The following LAMA4 variants were observed in gnomAD, a reference collection of about 807,000 sequenced individuals.
The protein encoded by LAMA4 is laminin subunit alpha 4, also known as laminin subunit alpha-4.
A neutral mutation model predicts 207.1 loss-of-function variants in LAMA4; 127 were observed. The ratio of observed to expected loss-of-function variants is 0.61; its 90% CI spans 0.53 to 0.71. The LOEUF is 0.71. Among genes scored for constraint, LAMA4 ranks in the 30% least tolerant of loss-of-function variants. LAMA4 has a pLI of 0.00. For missense variants in LAMA4, 2,093 were observed against 2,246.5 expected (o/e 0.93, Z 1.38); for synonymous variants, 761 against 816.0 (o/e 0.93, Z 1.15).
chr6:112,219,334 A>C (rs1197118891), intron 2 of LAMA4: 2 of 152,086 alleles, frequency 1.3e-5, no homozygotes, highest in African/African-American at 2.4e-5. Flanking sequence ...ATTAGTGTCT[A>C]TTTTCTTTTG....
At chr6:112,131,918 AG>A (rs1779057890) in intron 28 of LAMA4, among the ~76,000 whole-genome samples, 2 of 152,170 alleles carry the variant, frequency 1.3e-5, no homozygotes. Flanking sequence ...TGGATCTTAC[AG>A]TCACCAATCC....
intron 24 of LAMA4, 119 bp from the exon 25 acceptor site, chr6:112,136,373 A>G: frequency 1.2e-6 from 1 of 811,086 alleles, no homozygotes; most frequent in Non-Finnish European, 2.0e-6. Flanking sequence ...AAGACTAAGA[A>G]AGTCTCATGA....
intron 2 of LAMA4, among the ~76,000 whole-genome samples, chr6:112,238,071 C>T (rs1421272095): frequency 6.6e-6 from 1 of 152,188 alleles, no homozygotes; most frequent in Non-Finnish European, 1.5e-5. Context: ...CATCCTGTCC[C>T]CTCAGCTTGT....
In LAMA4 at chr6:112,157,670, A is replaced by G. The variant is rs557868856; in HGVS notation, c.1817+1062T>C. Among the ~76,000 whole-genome samples the G allele has an allele frequency of 3.9e-5, 6 of 152,354 alleles. No individual in the cohort carries two copies. The South Asian group carries it at 6.2e-4, about 16-fold the overall frequency. Reference sequence around the variant, plus strand: ...ACAGAAGTTATATTTTGGAATCCCAATGAATGGGATGTAGGTACAAAATGA... The same window carrying G: ...ACAGAAGTTATATTTTGGAATCCCAGTGAATGGGATGTAGGTACAAAATGA... On this transcript the variant is annotated intron_variant, in intron 14 of 38. Transcript: ENST00000230538.
intron 18 of LAMA4, 101 bp from the exon 19 acceptor site, chr6:112,145,034 G>T: frequency 8.8e-7 from 1 of 1,138,964 alleles, no homozygotes; most frequent in Non-Finnish European, 1.3e-6. Context: ...GTAGAACTAA[G>T]AGAAATGATT....
chr6:112,217,527 G>A (rs1166107166), intron 2 of LAMA4: 1 of 151,926 alleles, frequency 6.6e-6, no homozygotes, highest in African/African-American at 2.4e-5. Context: ...ATTATATCTG[G>A]CTGAAGTCCC....
chr6:112,159,548 C>T (rs1780931384), intron 13 of LAMA4: 1 of 153,084 alleles, frequency 6.5e-6, no homozygotes, highest in African/African-American at 2.4e-5. Flanking sequence ...TGGCTGGCCC[C>T]TCAATGCTGC....
At position 112,227,304 on chromosome 6, in the gene LAMA4, C is replaced by T. The variant is rs372657130; in HGVS notation, c.196-10835G>A. On this transcript the variant is annotated intron_variant, in intron 2 of 38. Coordinates refer to ENST00000230538, the MANE Select transcript of LAMA4 (RefSeq NM_001105206.3). ...CAGGCTGGTCTTGAACTCCTGACCTCGTGATCCACCCGCCTCGGCCTCCCA... is the reference window on the plus strand; with the variant it reads ...CAGGCTGGTCTTGAACTCCTGACCTTGTGATCCACCCGCCTCGGCCTCCCA... Among the ~76,000 whole-genome samples the T allele has an allele frequency of 9.9e-5, 15 of 152,010 alleles. No homozygotes were observed. In the East Asian group the frequency reaches 2.3e-3, roughly 24 times the overall value.
rs143298040 is a variant in LAMA4, at chr6:112,240,788, C to G, written c.195+13168G>C. On this transcript the variant is annotated intron_variant, in intron 2 of 38. Transcript: ENST00000230538. ...TACCACATTTTCTTTATCCATTCAT[C>G]TGTTGATGGACACTTAGGTTGCCTC... Among the ~76,000 whole-genome samples the G allele has an allele frequency of 4.7e-3, 710 of 152,194 alleles. 5 individuals carry two copies. The highest frequency in any genetic ancestry group is 0.016 in the African/African-American group (650 of 41,530).
intron 32 of LAMA4, among the ~76,000 whole-genome samples, chr6:112,120,763 G>C (rs1200777352): frequency 1.3e-5 from 2 of 152,156 alleles, no homozygotes; most frequent in Non-Finnish European, 2.9e-5. Context: ...ATGGCTGCAG[G>C]CTGGGTGCCA....
chr6:112,196,237 C>T lies in LAMA4; in HGVS notation c.504-4387G>A, dbSNP rs180844231. Among the ~76,000 whole-genome samples the T allele has an allele frequency of 2.6e-5, 4 of 152,200 alleles. No individual in the cohort carries two copies. In the East Asian group the frequency reaches 7.7e-4, roughly 29 times the overall value. On this transcript the variant is annotated intron_variant, in intron 5 of 38. Transcript: ENST00000230538. Reference sequence around the variant, plus strand: ...CAGAAACTAAATTATTAACTATATTCACCCTAGAATGCTGTAGAAAGCTAC... The same window carrying T: ...CAGAAACTAAATTATTAACTATATTTACCCTAGAATGCTGTAGAAAGCTAC...
intron 11 of LAMA4, among the ~76,000 whole-genome samples, chr6:112,173,527 G>A (rs1781845955): frequency 6.6e-6 from 1 of 152,214 alleles, no homozygotes; most frequent in Admixed American, 6.5e-5. Flanking sequence ...AGTGGGAGAT[G>A]TGATTGGTCC....
chr6:112,136,316 C>G (rs574012818), intron 24 of LAMA4, 62 bp from the exon 25 acceptor site: 1 of 1,348,842 alleles, frequency 7.4e-7, no homozygotes, highest in African/African-American at 1.4e-5. Context: ...TCAGATTTAG[C>G]TGAATTTGAG....
At chr6:112,232,644 C>T (rs1313519875) in intron 2 of LAMA4, among the ~76,000 whole-genome samples, 5 of 152,008 alleles carry the variant, frequency 3.3e-5, no homozygotes, top group East Asian at 1.9e-4. Context: ...CTGTTGTGAT[C>T]GAGATAGCTA....
At position 112,254,071 on chromosome 6, in the gene LAMA4, C is replaced by G. The variant is rs1787677662; in HGVS notation, c.80G>C (p.Gly27Ala). The change falls in exon 2 of 39, where the codon GGG becomes GCG. Residue 27 changes from glycine to alanine, a missense_variant. Gly to Ala is a moderately conservative substitution (Grantham distance 60, BLOSUM62 0). Coordinates refer to ENST00000230538, the MANE Select transcript of LAMA4 (RefSeq NM_001105206.3). Reference sequence around the variant, plus strand: ...GTCAAAAGGAAAAGCGTTGTCGTCCCCGGACGCGGCGCGGGAGCAGGCAGC... The same window carrying G: ...GTCAAAAGGAAAAGCGTTGTCGTCCGCGGACGCGGCGCGGGAGCAGGCAGC... Reference protein sequence around the residue: ...WSAACSRAASGDDNAFPFDIE... With the variant: ...WSAACSRAASADDNAFPFDIE... 6.2e-7 allele frequency: 1 copy of G among 1,610,844 alleles called. No homozygotes were observed. The highest frequency in any genetic ancestry group is 1.1e-5 in the South Asian group (1 of 90,508).
At chr6:112,133,008 C>T in intron 27 of LAMA4, 118 bp from the exon 28 acceptor site, 1 of 1,091,684 alleles carries the variant, frequency 9.2e-7, no homozygotes, top group Non-Finnish European at 1.4e-6. Flanking sequence ...GTTTATTTTC[C>T]CACTTCTGGT....
chr6:112,135,490 T>C (rs1291554115), intron 25 of LAMA4, among the ~76,000 whole-genome samples: 1 of 152,208 alleles, frequency 6.6e-6, no homozygotes, highest in Non-Finnish European at 1.5e-5. Context: ...AAAAGGGAAA[T>C]ACAGTCTCCT....
chr6:112,115,413 G>T (rs1777957524), intron 36 of LAMA4, among the ~76,000 whole-genome samples: 1 of 151,872 alleles, frequency 6.6e-6, no homozygotes, highest in Non-Finnish European at 1.5e-5. Context: ...GGATGAAAGT[G>T]GCATTACAAC....
At chr6:112,250,066 G>C (rs558175308) in intron 2 of LAMA4, among the ~76,000 whole-genome samples, 1 of 151,976 alleles carries the variant, frequency 6.6e-6, no homozygotes, top group Non-Finnish European at 1.5e-5. Context: ...TTGCTCTTTC[G>C]AGGTAAGGCT....
Sources: gnomAD v4.1 joint callset for allele counts (sites outside exome capture counted in the v4.1 genomes callset) on GRCh38, gnomAD v4.1.1 for gene constraint, MANE v1.5 for transcripts, NCBI Gene and HGNC (gene_info 2026-07-23, HGNC 2026-07-21) for gene names.